FRA10AC1: variants seen among roughly 807,000 people sequenced by gnomAD.
FRA10AC1 encodes the protein FRA10A associated CGG repeat 1.
In FRA10AC1, 43 loss-of-function variants were observed where a neutral mutation model predicts 56.5. The ratio of observed to expected loss-of-function variants is 0.76; its 90% CI spans 0.60 to 0.98. The LOEUF (loss-of-function observed/expected upper bound fraction) is 0.98. Among genes scored for constraint, FRA10AC1 ranks in the 50% least tolerant of loss-of-function variants. The pLI is 0.00. For missense variants in FRA10AC1, 346 were observed against 351.8 expected, an observed-to-expected ratio of 0.98 and a Z score of 0.13; for synonymous variants, 112 against 110.5, an observed-to-expected ratio of 1.01 and a Z score of -0.09.
intron 4 of FRA10AC1, among the ~76,000 whole-genome samples, chr10:93,695,912 T>C (rs2059226220): frequency 6.6e-6 from 1 of 151,930 alleles, no homozygotes; most frequent in Non-Finnish European, 1.5e-5. Flanking sequence ...GCAAGCCATA[T>C]GGTCTCTGTT....
At chr10:93,694,122 A>G (rs2059187758) in intron 5 of FRA10AC1, among the ~76,000 whole-genome samples, 1 of 152,108 alleles carries the variant, frequency 6.6e-6, no homozygotes, top group Non-Finnish European at 1.5e-5. Flanking sequence ...CAAAACAAAA[A>G]ACAAGTTCTG....
Position 93,669,737 on chromosome 10 carries a change from G to A in FRA10AC1, c.*89C>T. ...CAAACCACACAAGCTGTAACTTGCA[G>A]ATAAAAACTTATATGGAATTTCAAA... is the stretch of plus-strand genomic sequence containing the variant. On this transcript the variant is annotated 3_prime_UTR_variant, in exon 14 of 14. Transcript: ENST00000359204. 1 of 843,370 alleles carries A rather than the reference G, an allele frequency of 1.2e-6. No individual in the cohort carries two copies. The highest frequency in any genetic ancestry group is 2.7e-5 in the East Asian group (1 of 36,440). The allele number at this position is 843,370 out of a possible 1,614,324, so 52.2% of individuals were successfully genotyped here. A position where few individuals can be genotyped will look rare whatever the true frequency, so the allele number is the denominator to read the frequency against.
intron 7 of FRA10AC1, among the ~76,000 whole-genome samples, chr10:93,691,063 C>G (rs1354585072): frequency 6.6e-6 from 1 of 152,102 alleles, no homozygotes; most frequent in Non-Finnish European, 1.5e-5. Context: ...TTTCTTAATA[C>G]AAATATACAG....
chr10:93,668,465 T>C lies in FRA10AC1; in HGVS notation c.*1361A>G, dbSNP rs975300079. 1 of 152,220 alleles carries C rather than the reference T, an allele frequency of 6.6e-6. No homozygotes were observed. The highest frequency in any genetic ancestry group is 2.4e-5 in the African/African-American group (1 of 41,464). 9.4% of individuals were successfully genotyped at this position (152,220 alleles called of 1,614,324 possible). ...GCTTGGATCTCCTGAAGCACCTCCA[T>C]AGACCCTTGCGACTAGGACCTTATG... On this transcript the variant is annotated 3_prime_UTR_variant, in exon 14 of 14. Transcript: ENST00000359204.
At chr10:93,670,881 C>G (rs1472321047) in intron 12 of FRA10AC1, 33 bp from the exon 13 acceptor site, 1 of 1,397,104 alleles carries the variant, frequency 7.2e-7, no homozygotes, top group East Asian at 2.3e-5. Flanking sequence ...TTTTAAAAAC[C>G]TATTATACTT....
intron 4 of FRA10AC1, among the ~76,000 whole-genome samples, chr10:93,695,166 T>C (rs1270124244): frequency 6.6e-6 from 1 of 152,114 alleles, no homozygotes; most frequent in Admixed American, 6.5e-5. Context: ...TTCAAGCATA[T>C]ACTACTCTTG....
intron 8 of FRA10AC1, among the ~76,000 whole-genome samples, chr10:93,687,012 A>T (rs2059039785): frequency 6.6e-6 from 1 of 151,914 alleles, no homozygotes; most frequent in Admixed American, 6.6e-5. Flanking sequence ...AGTGATATTT[A>T]ACTTCTACTT....
chr10:93,678,587 T>C (rs1589716722), intron 11 of FRA10AC1, among the ~76,000 whole-genome samples: 1 of 152,034 alleles, frequency 6.6e-6, no homozygotes, highest in Non-Finnish European at 1.5e-5. Context: ...TCCCAGCACT[T>C]TGGGGGGCCA....
intron 10 of FRA10AC1, 48 bp downstream of exon 10, chr10:93,684,008 A>G (rs1423365041): frequency 2.4e-6 from 3 of 1,234,174 alleles, no homozygotes; most frequent in Admixed American, 1.8e-5. Context: ...GTAAATGACT[A>G]TATCCTGGAT....
Position 93,693,531 on chromosome 10 carries a change from CAT to C in FRA10AC1, c.297-804_297-803del, listed in dbSNP as rs397947381. ...ATACACCATATATATATATATACAC[CAT>C]ATATATATATATATACACACATACA... On this transcript the variant is annotated intron_variant, in intron 5 of 13. Coordinates refer to ENST00000359204, the MANE Select transcript of FRA10AC1 (RefSeq NM_145246.5). 2.0e-3 allele frequency among the ~76,000 whole-genome samples: 61 copies of C among 30,760 alleles called. 9 individuals are homozygous for C. The highest frequency in any genetic ancestry group is 3.8e-3 in the South Asian group (4 of 1,042). 20.2% of individuals were successfully genotyped at this position (30,760 alleles called of 152,430 possible). A position where few individuals can be genotyped will look rare whatever the true frequency, so the allele number is the denominator to read the frequency against.
intron 1 of FRA10AC1, among the ~76,000 whole-genome samples, chr10:93,700,822 CTT>C (rs546576800): frequency 2.4e-4 from 37 of 152,058 alleles, no homozygotes; most frequent in Non-Finnish European, 4.4e-4. Context: ...TCAGCTTTCT[CTT>C]GTTTCATTTT....
rs74762296 is a variant in FRA10AC1, at chr10:93,673,123, G to A, written c.827-2275C>T. ...CAATCCAGTCCATGCTGGAACACTCGCTACTCCAGAGGCAGCCCATTTCTC... is the reference window on the plus strand; with the variant it reads ...CAATCCAGTCCATGCTGGAACACTCACTACTCCAGAGGCAGCCCATTTCTC... On this transcript the variant is annotated intron_variant, in intron 12 of 13. Coordinates refer to ENST00000359204, the MANE Select transcript of FRA10AC1 (RefSeq NM_145246.5). The A allele has an allele frequency of 6.0e-3, 1,841 of 307,860 alleles. 44 individuals carry two copies. The highest frequency in any genetic ancestry group is 0.038 in the African/African-American group (1,682 of 44,614). The allele number at this position is 307,860 out of a possible 1,614,324, so 19.1% of individuals were successfully genotyped here. A position where few individuals can be genotyped will look rare whatever the true frequency, so the allele number is the denominator to read the frequency against.
intron 4 of FRA10AC1, among the ~76,000 whole-genome samples, chr10:93,697,169 A>G (rs948386444): frequency 4.6e-5 from 7 of 152,238 alleles, no homozygotes; most frequent in African/African-American, 7.2e-5. Flanking sequence ...TATGCCAGAA[A>G]AAAGAGTACC....
At chr10:93,694,164 G>T (rs1435473648) in intron 5 of FRA10AC1, among the ~76,000 whole-genome samples, 1 of 152,164 alleles carries the variant, frequency 6.6e-6, no homozygotes, top group Non-Finnish European at 1.5e-5. Flanking sequence ...GAAGGACTTT[G>T]ATGTGCAAGA....
intron 12 of FRA10AC1, chr10:93,671,149 A>C: frequency 3.9e-6 from 1 of 258,884 alleles, no homozygotes; most frequent in Non-Finnish European, 7.5e-6. Context: ...TATCTCTTGC[A>C]ATATAGTTGT....
intron 11 of FRA10AC1, 145 bp downstream of exon 11, chr10:93,681,335 T>C: frequency 1.8e-6 from 1 of 570,344 alleles, no homozygotes; most frequent in Non-Finnish European, 3.0e-6. Context: ...CACTTTAAGT[T>C]CATATCTAAA....
At chr10:93,699,095 T>C (rs1027015965) in intron 2 of FRA10AC1, among the ~76,000 whole-genome samples, 13 of 152,286 alleles carry the variant, frequency 8.5e-5, no homozygotes, top group Middle Eastern at 3.4e-3. Context: ...CACCCTGCCA[T>C]AGACTGTCAG....
intron 12 of FRA10AC1, chr10:93,673,268 G>T: frequency 2.2e-6 from 1 of 454,650 alleles, no homozygotes; most frequent in Non-Finnish European, 4.4e-6. Flanking sequence ...CATAGTAGCA[G>T]CCTTGCAAAT....
intron 9 of FRA10AC1, among the ~76,000 whole-genome samples, chr10:93,684,332 T>G (rs11592278): frequency 0.4 from 60,663 of 151,966 alleles, 14,523 homozygotes; most frequent in Non-Finnish European, 0.52. Flanking sequence ...TAGAAAAATG[T>G]GTTGTCAATT....
Sources: allele counts gnomAD v4.1 joint callset (sites outside exome capture counted in the v4.1 genomes callset), GRCh38; gene constraint gnomAD v4.1.1; transcripts MANE v1.5; gene names NCBI Gene and HGNC (gene_info 2026-07-23, HGNC 2026-07-21).